Variants in IQSEC1 observed in about 807,000 individuals in gnomAD.
The protein encoded by IQSEC1 is IQ motif and SEC7 domain-containing protein 1.
In IQSEC1, 31 loss-of-function variants were observed where a neutral mutation model predicts 91.0. The ratio of observed to expected loss-of-function variants is 0.34; its 90% CI spans 0.26 to 0.46. IQSEC1 has a LOEUF of 0.46. IQSEC1 is among the 20% of genes least tolerant of loss of function. The pLI is 1.00. For missense variants in IQSEC1, 1,388 were observed against 1,575.6 expected, an observed-to-expected ratio of 0.88 and a Z score of 2.02; for synonymous variants, 699 against 662.6, an observed-to-expected ratio of 1.05 and a Z score of -0.84.
intron 1 of IQSEC1, among the ~76,000 whole-genome samples, chr3:13,011,178 ACAC>A (rs1211274919): frequency 6.6e-6 from 1 of 152,164 alleles, no homozygotes; most frequent in African/African-American, 2.4e-5. Context: ...TGGTTTTAAC[ACAC>A]CATGTGCATT....
chr3:12,981,539 C>A (rs1175845265), intron 1 of IQSEC1, among the ~76,000 whole-genome samples: 2 of 152,152 alleles, frequency 1.3e-5, no homozygotes, highest in Non-Finnish European at 2.9e-5. Context: ...GTAGAAACAA[C>A]AGGGGGAACT....
intron 1 of IQSEC1, among the ~76,000 whole-genome samples, chr3:12,953,290 C>CGATCCGCGAGGGACACTGAGGCTGATT (rs1699681847): frequency 6.6e-6 from 1 of 152,240 alleles, no homozygotes; most frequent in Non-Finnish European, 1.5e-5. Context: ...CAGCCCGACC[C>CGATCCGCGAGGGACACTGAGGCTGATT]GATCCGCGAG....
chr3:13,082,718 C>T (rs1012654912), intron 2 of IQSEC1, among the ~76,000 whole-genome samples: 3 of 152,180 alleles, frequency 2.0e-5, no homozygotes, highest in African/African-American at 4.8e-5. Context: ...CTGACCATGT[C>T]GTAGCTCTGG....
At chr3:13,281,176 G>C (rs1695782924) in intron 1 of IQSEC1, among the ~76,000 whole-genome samples, 1 of 152,212 alleles carries the variant, frequency 6.6e-6, no homozygotes, top group Non-Finnish European at 1.5e-5. Context: ...AAGCTGCTGA[G>C]GACTTTCCTT....
intron 1 of IQSEC1, among the ~76,000 whole-genome samples, chr3:13,189,914 C>G (rs1199430593): frequency 6.6e-6 from 1 of 152,234 alleles, no homozygotes; most frequent in Non-Finnish European, 1.5e-5. Flanking sequence ...CATCCTGTTG[C>G]TGACATGCAA....
intron 2 of IQSEC1, among the ~76,000 whole-genome samples, chr3:13,125,341 C>T (rs71306042): frequency 6.6e-6 from 1 of 152,220 alleles, no homozygotes; most frequent in Non-Finnish European, 1.5e-5. Flanking sequence ...ACCCCCACCT[C>T]CACCAGGTGA....
intron 1 of IQSEC1, among the ~76,000 whole-genome samples, chr3:13,018,714 ACGCATCTCACAGG>A (rs1703257904): frequency 6.6e-6 from 1 of 152,072 alleles, no homozygotes. Context: ...GTATCCCCAC[ACGCATCTCACAGG>A]CGGGGAAACA....
At chr3:13,260,767 GC>G (rs200164305) in intron 1 of IQSEC1, among the ~76,000 whole-genome samples, 30,524 of 152,208 alleles carry the variant, frequency 0.2, 3,134 homozygotes, top group African/African-American at 0.21. Context: ...GGTGCACGGG[GC>G]GTGGAAGGAG....
At chr3:13,230,314 C>T (rs1413682537) in intron 1 of IQSEC1, among the ~76,000 whole-genome samples, 2 of 142,318 alleles carry the variant, frequency 1.4e-5, no homozygotes, top group African/African-American at 5.3e-5. Flanking sequence ...TCCCCTCAAA[C>T]GCTCACAAAA....
At chr3:13,009,542 G>A (rs1375752007) in intron 1 of IQSEC1, among the ~76,000 whole-genome samples, 1 of 151,844 alleles carries the variant, frequency 6.6e-6, no homozygotes, top group Non-Finnish European at 1.5e-5. Context: ...AAATGCCCCA[G>A]ATGCCCGCAG....
chr3:13,200,463 G>A (rs541426041), intron 1 of IQSEC1, among the ~76,000 whole-genome samples: 2 of 152,248 alleles, frequency 1.3e-5, no homozygotes, highest in South Asian at 2.1e-4. Context: ...CAGAAACAAC[G>A]ATCACATCTG....
chr3:12,954,963 G>T (rs781623034), intron 1 of IQSEC1, among the ~76,000 whole-genome samples: 2 of 152,154 alleles, frequency 1.3e-5, no homozygotes, highest in Non-Finnish European at 2.9e-5. Flanking sequence ...ACAGGCCAAC[G>T]GCAGGGCTGC....
At chr3:13,261,674 G>A (rs1203100063) in intron 1 of IQSEC1, among the ~76,000 whole-genome samples, 1 of 152,044 alleles carries the variant, frequency 6.6e-6, no homozygotes, top group Admixed American at 6.5e-5. Flanking sequence ...GCAGAGCCAG[G>A]GATGCATGGT....
chr3:13,132,821 A>G (rs1654929960), intron 2 of IQSEC1, among the ~76,000 whole-genome samples: 1 of 152,200 alleles, frequency 6.6e-6, no homozygotes. Flanking sequence ...AGGAAACTTT[A>G]GGAAACACAG....
rs78587410 is a variant in IQSEC1, at chr3:13,009,067, C to T, written c.23+63925G>A. 4.0e-3 allele frequency among the ~76,000 whole-genome samples: 615 copies of T among 152,308 alleles called. 7 individuals carry two copies. The highest frequency in any genetic ancestry group is 0.014 in the African/African-American group (580 of 41,560). ...CTCCAGGGTTCCAAGGCTGTGATTCCGAGAGATCACCACACAGGGAAGGAA... is the reference window on the plus strand; with the variant it reads ...CTCCAGGGTTCCAAGGCTGTGATTCTGAGAGATCACCACACAGGGAAGGAA... On this transcript the variant is annotated intron_variant, in intron 1 of 13. Coordinates refer to ENST00000613206, the MANE Select transcript of IQSEC1 (RefSeq NM_001134382.3).
At chr3:12,903,123 C>T (rs866159977) in intron 12 of IQSEC1, among the ~76,000 whole-genome samples, 4 of 152,348 alleles carry the variant, frequency 2.6e-5, no homozygotes, top group African/African-American at 9.6e-5. Context: ...GAGAGGGACC[C>T]TGGGGCTGAG....
At chr3:12,954,564 C>T (rs1207384467) in intron 1 of IQSEC1, among the ~76,000 whole-genome samples, 4 of 152,208 alleles carry the variant, frequency 2.6e-5, no homozygotes, top group Admixed American at 6.5e-5. Flanking sequence ...CCCAGATCTC[C>T]GCTGTCTATC....
At position 12,900,267 on chromosome 3, in the gene IQSEC1, G is replaced by C. The variant is rs928846912; in HGVS notation, c.*716C>G. Reference sequence around the variant, plus strand: ...GTAAAGATTTTAGCCAGTCCTAGAGGGACTTCTTTGTATGAAAATATGAAG... The same window carrying C: ...GTAAAGATTTTAGCCAGTCCTAGAGCGACTTCTTTGTATGAAAATATGAAG... On this transcript the variant is annotated 3_prime_UTR_variant, in exon 14 of 14. Transcript: ENST00000613206. 3 of 984,684 alleles carry C rather than the reference G, an allele frequency of 3.0e-6. No individual in the cohort carries two copies. In the African/African-American group the frequency reaches 5.3e-5, roughly 17 times the overall value. 61.0% of individuals were successfully genotyped at this position (984,684 alleles called of 1,614,324 possible). A position where few individuals can be genotyped will look rare whatever the true frequency, so the allele number is the denominator to read the frequency against.
chr3:13,241,861 A>C (rs1016625177), intron 1 of IQSEC1, among the ~76,000 whole-genome samples: 6 of 152,222 alleles, frequency 3.9e-5, no homozygotes, highest in African/African-American at 1.4e-4. Context: ...GCTGTGAAAC[A>C]CATTTTCACA....
Sources: allele counts gnomAD v4.1 joint callset (sites outside exome capture counted in the v4.1 genomes callset), GRCh38; gene constraint gnomAD v4.1.1; transcripts MANE v1.5; gene names NCBI Gene and HGNC (gene_info 2026-07-23, HGNC 2026-07-21).